The following SHPRH variants were observed in gnomAD, a reference collection of about 807,000 sequenced individuals.
SHPRH encodes the protein SNF2 histone linker PHD RING helicase.
SHPRH carries 106 observed loss-of-function variants against 202.5 expected under a neutral mutation model. The observed-to-expected ratio is 0.52, with a 90% CI of 0.45 to 0.62. The LOEUF (loss-of-function observed/expected upper bound fraction) is 0.62. Ranked by LOEUF, SHPRH falls within the 20% of genes least tolerant of loss-of-function variation. The pLI is 0.00. For missense variants in SHPRH, 1,710 were observed against 2,020.0 expected (o/e 0.85, Z 2.94); for synonymous variants, 729 against 686.0 (o/e 1.06, Z -0.98).
intron 25 of SHPRH, 181 bp downstream of exon 25, chr6:145,910,267 C>T: frequency 1.6e-6 from 1 of 609,770 alleles, no homozygotes; most frequent in South Asian, 2.5e-5. Context: ...TTCTGTGTTC[C>T]TCCTACAATT....
chr6:145,870,545 AG>A (rs1228344438), intron 2 of SHPRH, among the ~76,000 whole-genome samples: 10 of 152,164 alleles, frequency 6.6e-5, no homozygotes, highest in African/African-American at 2.4e-4. Flanking sequence ...TACAGGCTTG[AG>A]CCACTGCGCC....
At chr6:145,900,927 G>A (rs1254971658) in intron 25 of SHPRH, among the ~76,000 whole-genome samples, 1 of 152,066 alleles carries the variant, frequency 6.6e-6, no homozygotes, top group Admixed American at 6.6e-5. Context: ...ATCTGCAAAT[G>A]TGGGGGGCCA....
chr6:145,941,973 T>C lies in SHPRH; in HGVS notation c.2239-99A>G, dbSNP rs1786831165. On this transcript the variant is annotated intron_variant, in intron 9 of 29. Coordinates refer to ENST00000275233, the MANE Select transcript of SHPRH (RefSeq NM_001042683.3). ...CCCTTACTAAGTCCTCTCTATTTTC[T>C]TAGGAGCATTCATGCTATGAGACAG... 68 of 1,410,214 alleles carry C rather than the reference T, an allele frequency of 4.8e-5. 1 individual carries two copies. The South Asian group carries it at 8.9e-4, about 19-fold the overall frequency. 87.4% of individuals were successfully genotyped at this position (1,410,214 alleles called of 1,614,324 possible). A position where few individuals can be genotyped will look rare whatever the true frequency, so the allele number is the denominator to read the frequency against.
intron 5 of SHPRH, among the ~76,000 whole-genome samples, 191 bp from the exon 6 acceptor site, chr6:145,947,834 G>A (rs1367925863): frequency 6.6e-6 from 1 of 151,930 alleles, no homozygotes; most frequent in Non-Finnish European, 1.5e-5. Flanking sequence ...AAAACTGCCT[G>A]AGCTGACAAG....
intron 4 of SHPRH, 80 bp downstream of exon 4, chr6:145,950,184 G>C (rs1346437416): frequency 8.8e-7 from 1 of 1,134,026 alleles, no homozygotes; most frequent in Non-Finnish European, 1.3e-6. Flanking sequence ...TTATTTTAAT[G>C]ATCAATTTCA....
In SHPRH at chr6:145,926,212, C is replaced by T; in HGVS notation, c.3286G>A (p.Glu1096Lys). 6.2e-7 allele frequency: 1 copy of T among 1,612,690 alleles called. No homozygotes were observed. Among genetic ancestry groups the T allele is most frequent in the Non-Finnish European group, 8.5e-7 (1 of 1,179,102 alleles). ...IPPTLRDGRL[E>K]EEAKQLREHY... The stretch of plus-strand genomic sequence containing the variant: ...ATGAAAAAAATAATTACCTCTTCCT[C>T]AAGTCGGCCATCACGCAAGGTAGGT... Residue 1096 changes from glutamate to lysine, a missense_variant, in exon 16 of 30, where the codon GAG becomes AAG. Glu to Lys is a moderately conservative substitution (Grantham distance 56, BLOSUM62 1). Coordinates refer to ENST00000275233, the MANE Select transcript of SHPRH (RefSeq NM_001042683.3).
At chr6:145,948,408 A>C (rs1787621064) in intron 4 of SHPRH, 58 bp from the exon 5 acceptor site, 3 of 1,341,918 alleles carry the variant, frequency 2.2e-6, no homozygotes, top group Non-Finnish European at 3.1e-6. Context: ...TCAGATAATC[A>C]CATTAAAAAA....
rs1165532201 is a variant in SHPRH, at chr6:145,950,292, T to C, written c.954A>G (p.Gln318=). Reference sequence around the variant, plus strand: ...TAGCAGGACTGCTTCTGAAACACTCTTGTTGTAGCATCCAATTGACAGCCT... The same window carrying C: ...TAGCAGGACTGCTTCTGAAACACTCCTGTTGTAGCATCCAATTGACAGCCT... ...QREAVNWMLQ[Q]ECFRSSPATE... is the part of the protein sequence containing the mutation. Residue 318 remains glutamine, a synonymous_variant, in exon 4 of 30, where the codon CAA becomes CAG. Coordinates refer to ENST00000275233, the MANE Select transcript of SHPRH (RefSeq NM_001042683.3). 1 of 1,613,054 alleles carries C rather than the reference T, an allele frequency of 6.2e-7. No individual in the cohort carries two copies. The highest frequency in any genetic ancestry group is 1.7e-5 in the Admixed American group (1 of 59,914).
At chr6:145,934,125 G>A (rs765076391) in intron 13 of SHPRH, among the ~76,000 whole-genome samples, 5 of 152,002 alleles carry the variant, frequency 3.3e-5, no homozygotes, top group Non-Finnish European at 7.4e-5. Context: ...GACTGCTTGG[G>A]GCCAGGTGTT....
At chr6:145,862,598 T>C (rs1286867690), downstream of SHPRH, 1 of 152,280 alleles carries the variant, frequency 6.6e-6, no homozygotes, top group Admixed American at 6.5e-5. Context: ...CAAGTTTACA[T>C]AATGGCAAAT....
chr6:145,945,336 T>A, intron 8 of SHPRH, 45 bp downstream of exon 8: 1 of 1,552,866 alleles, frequency 6.4e-7, no homozygotes, highest in Non-Finnish European at 8.7e-7. Flanking sequence ...CAGTAAGGTA[T>A]CACATACGTG....
chr6:145,960,985 G>C lies in SHPRH; in HGVS notation c.-33+2746C>G, dbSNP rs560824881. Among the ~76,000 whole-genome samples, 14 of 151,922 alleles carry C rather than the reference G, an allele frequency of 9.2e-5. No homozygotes were observed. The East Asian group carries it at 1.7e-3, about 19-fold the overall frequency. ...TAGATCCTGCGCATATGCAGTTCAC[G>C]ATAGCATTCATGCTCTTATGGTAAT... is the stretch of plus-strand genomic sequence containing the variant. On this transcript the variant is annotated intron_variant, in intron 1 of 29. Coordinates refer to ENST00000275233, the MANE Select transcript of SHPRH (RefSeq NM_001042683.3).
intron 29 of SHPRH, 107 bp downstream of exon 29, chr6:145,887,913 G>GT (rs1359307586): frequency 3.0e-5 from 25 of 829,774 alleles, no homozygotes; most frequent in Non-Finnish European, 4.9e-5. Context: ...TTTTAAAAAC[G>GT]TATTTGTGCT....
intron 25 of SHPRH, chr6:145,909,718 C>T (rs1783317947): frequency 6.6e-6 from 1 of 152,178 alleles, no homozygotes; most frequent in Middle Eastern, 3.4e-3. Context: ...TTAAAGCCCA[C>T]ATTTGCTACT....
At chr6:145,943,938 C>A in intron 8 of SHPRH, 136 bp from the exon 9 acceptor site, 1 of 825,482 alleles carries the variant, frequency 1.2e-6, no homozygotes, top group Non-Finnish European at 1.8e-6. Context: ...AGAATCACTC[C>A]TGATAAGTGG....
At chr6:145,910,976 T>A (rs1783439502) in intron 24 of SHPRH, among the ~76,000 whole-genome samples, 1 of 152,108 alleles carries the variant, frequency 6.6e-6, no homozygotes, top group African/African-American at 2.4e-5. Flanking sequence ...TTGGAGATAA[T>A]ATCATACTCG....
rs770492796 is a variant in SHPRH, at chr6:145,941,719, C to A, written c.2394G>T (p.Gln798His). 6.2e-7 allele frequency: 1 copy of A among 1,614,036 alleles called. No individual in the cohort carries two copies. The highest frequency in any genetic ancestry group is 2.2e-5 in the East Asian group (1 of 44,874). ...GGCTCGGGATAGCCATATAGCGCTT[C>A]TGGTTCCGTAGGCGACGCCCATCCT... Reference protein sequence around the residue: ...NSEDGRRLRNQKRYMAIPSPL... With the variant: ...NSEDGRRLRNHKRYMAIPSPL... Residue 798 changes from glutamine to histidine, a missense_variant, in exon 10 of 30, where the codon CAG becomes CAT. Physicochemically the swap from Gln to His is conservative, Grantham distance 24 (BLOSUM62 0). This residue lies in a region of SHPRH where 277 missense variants were observed against 363.0 expected (regional missense o/e 0.76). Transcript: ENST00000275233.
downstream of SHPRH, chr6:145,881,556 A>C (rs940861104): frequency 3.9e-5 from 6 of 152,208 alleles, no homozygotes; most frequent in Admixed American, 6.5e-5. Context: ...TAAGAATCTG[A>C]CAATATGAAA....
chr6:145,921,669 T>C (rs989276545), intron 20 of SHPRH, among the ~76,000 whole-genome samples: 4 of 152,024 alleles, frequency 2.6e-5, no homozygotes, highest in Non-Finnish European at 1.5e-5. Context: ...CAAGGAAATA[T>C]GTGAGGAAAA....
Sources: allele counts gnomAD v4.1 joint callset (sites outside exome capture counted in the v4.1 genomes callset), GRCh38; gene constraint gnomAD v4.1.1; regional missense constraint gnomAD v4.1.1; transcripts MANE v1.5; gene names NCBI Gene and HGNC (gene_info 2026-07-23, HGNC 2026-07-21).